CREB1: variants seen among roughly 807,000 people sequenced by gnomAD.
The protein encoded by CREB1 is cyclic AMP-responsive element-binding protein 1.
A neutral mutation model predicts 42.0 loss-of-function variants in CREB1; 2 were observed. The observed-to-expected ratio is 0.05, with a 90% CI of 0.02 to 0.15. CREB1 has a LOEUF of 0.15. Ranked by LOEUF, CREB1 falls within the 10% of genes least tolerant of loss-of-function variation. CREB1 has a pLI of 1.00. For missense variants in CREB1, 199 were observed against 388.9 expected, an observed-to-expected ratio of 0.51 and a Z score of 4.11; for synonymous variants, 123 against 139.9, an observed-to-expected ratio of 0.88 and a Z score of 0.85.
Position 207,584,561 on chromosome 2 carries a change from C to G in CREB1, c.839+6906C>G, listed in dbSNP as rs527613886. Among the ~76,000 whole-genome samples, 17 of 152,204 alleles carry G rather than the reference C, an allele frequency of 1.1e-4. No individual in the cohort carries two copies. The South Asian group carries it at 3.5e-3, about 32-fold the overall frequency. ...TCAGGATTACAGGCACCTGCCACCA[C>G]GTCTGATTTTTTGTATTTTTAGTAG... On this transcript the variant is annotated intron_variant, in intron 7 of 7. Transcript: ENST00000353267.
intron 7 of CREB1, among the ~76,000 whole-genome samples, chr2:207,584,033 T>A (rs1271352560): frequency 2.6e-5 from 4 of 152,234 alleles, no homozygotes; most frequent in Non-Finnish European, 5.9e-5. Flanking sequence ...CCCAGATAAT[T>A]CCATTTTATA....
At chr2:207,557,582 T>C (rs987599545) in intron 2 of CREB1, among the ~76,000 whole-genome samples, 1 of 151,900 alleles carries the variant, frequency 6.6e-6, no homozygotes, top group Non-Finnish European at 1.5e-5. Context: ...CTCGGGAGGC[T>C]GAGGCAGGAG....
At chr2:207,550,768 T>C (rs1282560368) in intron 1 of CREB1, among the ~76,000 whole-genome samples, 3 of 152,220 alleles carry the variant, frequency 2.0e-5, no homozygotes, top group Non-Finnish European at 4.4e-5. Flanking sequence ...TATAGTTCTG[T>C]GCAGGTCTTG....
chr2:207,535,695 T>G (rs1311234606), intron 1 of CREB1, among the ~76,000 whole-genome samples: 1 of 152,068 alleles, frequency 6.6e-6, no homozygotes, highest in African/African-American at 2.4e-5. Flanking sequence ...GTCAACCAGT[T>G]GGACCAAGTA....
rs1375962345 is a variant in CREB1 at position 207,577,626 on chromosome 2, A to C, written c.810A>C (p.Arg270=). 1 of 1,614,102 alleles carries C rather than the reference A, an allele frequency of 6.2e-7. No individual in the cohort carries two copies. Among genetic ancestry groups the C allele is most frequent in the South Asian group, 1.1e-5 (1 of 91,090 alleles). ...CACAGCCTGCTGAAGAAGCAGCACG[A>C]AAGAGAGAGGTCCGTCTAATGAAGA... The part of the protein sequence containing the change: ...LPTQPAEEAA[R]KREVRLMKNR... The change falls in exon 7 of 8, where the codon CGA becomes CGC. Residue 270 remains arginine (R), a synonymous_variant. Coordinates refer to ENST00000353267, the MANE Select transcript of CREB1 (RefSeq NM_004379.5).
chr2:207,530,599 C>T (rs1030826508), intron 1 of CREB1, among the ~76,000 whole-genome samples: 1 of 148,022 alleles, frequency 6.8e-6, no homozygotes, highest in South Asian at 2.1e-4. Context: ...CGCCGCCCGC[C>T]TCGCCCCCGG....
chr2:207,563,896 A>G (rs2082044479), intron 3 of CREB1, among the ~76,000 whole-genome samples: 1 of 152,192 alleles, frequency 6.6e-6, no homozygotes, highest in Non-Finnish European at 1.5e-5. Flanking sequence ...GTGAACCAAA[A>G]TCATGCTGCT....
At chr2:207,594,499 G>A (rs1163198159) in intron 7 of CREB1, among the ~76,000 whole-genome samples, 1 of 152,192 alleles carries the variant, frequency 6.6e-6, no homozygotes, top group Non-Finnish European at 1.5e-5. Context: ...AGACTAGCTT[G>A]TGTCAGCATA....
intron 3 of CREB1, among the ~76,000 whole-genome samples, chr2:207,562,231 G>C (rs2081982785): frequency 6.6e-6 from 1 of 152,120 alleles, no homozygotes; most frequent in African/African-American, 2.4e-5. Context: ...CTAGATTCCA[G>C]ACCCAGTTTG....
At chr2:207,549,331 T>C (rs1345423034) in intron 1 of CREB1, among the ~76,000 whole-genome samples, 1 of 152,150 alleles carries the variant, frequency 6.6e-6, no homozygotes, top group Admixed American at 6.6e-5. Context: ...GGAGCATTGC[T>C]AAGTTTCCAG....
rs534195837 is a variant in CREB1 at position 207,549,665 on chromosome 2, G to A, written c.-8-5963G>A. Among the ~76,000 whole-genome samples the A allele has an allele frequency of 1.6e-3, 237 of 152,240 alleles. 1 individual carries two copies. Among genetic ancestry groups the A allele is most frequent in the African/African-American group, 5.6e-3 (232 of 41,548 alleles). ...CAAAGCAGGCAGATCACAAGGTCAG[G>A]AAATCGAGACCGTCCTGGCTAACAC... On this transcript the variant is annotated intron_variant, in intron 1 of 7. Coordinates refer to ENST00000353267, the MANE Select transcript of CREB1 (RefSeq NM_004379.5).
intron 1 of CREB1, among the ~76,000 whole-genome samples, chr2:207,549,849 A>AGT (rs1432028177): frequency 1.3e-5 from 2 of 152,138 alleles, no homozygotes; most frequent in Non-Finnish European, 2.9e-5. Flanking sequence ...ACACACCTGT[A>AGT]GTCCCAGCTA....
chr2:207,557,367 G>A (rs1039680471), intron 2 of CREB1, among the ~76,000 whole-genome samples: 3 of 152,070 alleles, frequency 2.0e-5, no homozygotes, highest in Non-Finnish European at 2.9e-5. Flanking sequence ...GGTTGGCTGA[G>A]TAAAGATAGC....
chr2:207,542,335 G>GT lies in CREB1; in HGVS notation c.-9+12208dup, dbSNP rs900461801. ...TTTGGGGTTTTGGGTTTTTGTTTTT[G>GT]TTTTTTTGTTTATTTCAATTATAGC... On this transcript the variant is annotated intron_variant, in intron 1 of 7. Coordinates refer to ENST00000353267, the MANE Select transcript of CREB1 (RefSeq NM_004379.5). 6.6e-5 allele frequency among the ~76,000 whole-genome samples: 10 copies of GT among 151,876 alleles called. No homozygotes were observed. In the East Asian group the frequency reaches 1.2e-3, roughly 18 times the overall value.
intron 3 of CREB1, among the ~76,000 whole-genome samples, chr2:207,566,890 A>T (rs1403454124): frequency 6.6e-6 from 1 of 152,140 alleles, no homozygotes; most frequent in African/African-American, 2.4e-5. Flanking sequence ...AGGTATTCTT[A>T]TCAGAAAAGC....
intron 7 of CREB1, among the ~76,000 whole-genome samples, chr2:207,591,870 T>C (rs1191277229): frequency 6.6e-6 from 1 of 152,314 alleles, no homozygotes; most frequent in African/African-American, 2.4e-5. Context: ...TTTAAATGGT[T>C]TAGATCAGGG....
intron 1 of CREB1, among the ~76,000 whole-genome samples, chr2:207,544,166 C>G (rs2081210905): frequency 6.6e-6 from 1 of 151,770 alleles, no homozygotes; most frequent in South Asian, 2.1e-4. Flanking sequence ...CTTGGCCTCC[C>G]AAAGTGCTGG....
intron 1 of CREB1, among the ~76,000 whole-genome samples, chr2:207,531,099 A>G (rs1023458755): frequency 6.6e-6 from 1 of 152,076 alleles, no homozygotes; most frequent in South Asian, 2.1e-4. Flanking sequence ...GTTTGAAAAC[A>G]GTTTCGGTTT....
intron 1 of CREB1, chr2:207,550,367 G>T (rs1418367377): frequency 7.2e-6 from 1 of 139,034 alleles, no homozygotes. Context: ...CATAGCATGT[G>T]TTCCATTAGT....
Sources: gnomAD v4.1 joint callset for allele counts (sites outside exome capture counted in the v4.1 genomes callset) on GRCh38, gnomAD v4.1.1 for gene constraint, MANE v1.5 for transcripts, NCBI Gene and HGNC (gene_info 2026-07-23, HGNC 2026-07-21) for gene names.